MACF1: variants seen among roughly 807,000 people sequenced by gnomAD.
MACF1 encodes microtubule-actin cross-linking factor 1.
In MACF1, 193 loss-of-function variants were observed where a neutral mutation model predicts 854.8. The ratio of observed to expected loss-of-function variants is 0.23; its 90% CI spans 0.20 to 0.25. MACF1 has a LOEUF of 0.25. Among genes scored for constraint, MACF1 ranks in the 10% least tolerant of loss-of-function variants. The pLI, the probability that MACF1 is intolerant of heterozygous loss-of-function variation, is 1.00. For missense variants in MACF1, 7,722 were observed against 8,929.1 expected, an observed-to-expected ratio of 0.86 and a Z score of 5.45; for synonymous variants, 3,185 against 3,226.7, an observed-to-expected ratio of 0.99 and a Z score of 0.44.
rs781727219 is a variant in MACF1, at chr1:39,336,520, C to G, written c.9932C>G (p.Ser3311Cys). The G allele has an allele frequency of 1.9e-6, 3 of 1,614,064 alleles. No homozygotes were observed. The highest frequency in any genetic ancestry group is 2.2e-5 in the South Asian group (2 of 91,090). ...EEKTVSLTVCSAVKTEKTPQE... is the reference protein window; with the variant it reads ...EEKTVSLTVCCAVKTEKTPQE... ...AAGACAGTGTCCCTAACAGTATGCT[C>G]TGCAGTGAAGACAGAGAAGACACCA... Residue 3311 changes from serine to cysteine, a missense_variant, in exon 37 of 101, where the codon TCT (serine) becomes TGT (cysteine). Around this residue, in one of 15 missense-constraint regions of MACF1, gnomAD observed 854 missense variants for 852.6 expected, o/e 1.00. Coordinates refer to ENST00000564288, the MANE Select transcript of MACF1 (RefSeq NM_001394062.1).
intron 35 of MACF1, among the ~76,000 whole-genome samples, chr1:39,325,780 G>A (rs1646599042): frequency 6.6e-6 from 1 of 152,196 alleles, no homozygotes; most frequent in Non-Finnish European, 1.5e-5. Context: ...GAGAATTAGT[G>A]CCCAGTGGTC....
intron 2 of MACF1, among the ~76,000 whole-genome samples, chr1:39,187,911 T>TCTCTCCG: frequency 8.2e-6 from 1 of 122,240 alleles, no homozygotes; most frequent in Non-Finnish European, 1.8e-5. Context: ...TCCTCTCTCC[T>TCTCTCCG]TCCTTCCTTC....
chr1:39,220,825 G>T (rs1557525789), intron 1 of MACF1, among the ~76,000 whole-genome samples: 1 of 152,122 alleles, frequency 6.6e-6, no homozygotes, highest in South Asian at 2.1e-4. Flanking sequence ...TGACTTGAAA[G>T]AGCTCAATTC....
intron 87 of MACF1, among the ~76,000 whole-genome samples, chr1:39,453,115 C>A (rs1028442327): frequency 6.6e-6 from 1 of 152,128 alleles, no homozygotes; most frequent in Admixed American, 6.5e-5. Context: ...CACCTGCATA[C>A]GCCTTTGTTT....
rs558123015 is a variant in MACF1 at position 39,337,865 on chromosome 1, G to A, written c.10215+534G>A. ...GCTCACTGCAAGCTCTGCCTCCCGG[G>A]TTTCCGCCATTCTCCTGCCTCAGCC... On this transcript the variant is annotated intron_variant, in intron 38 of 100. Transcript: ENST00000564288. Among the ~76,000 whole-genome samples, 149 of 151,916 alleles carry A rather than the reference G, an allele frequency of 9.8e-4. 1 individual carries two copies. Among genetic ancestry groups the A allele is most frequent in the African/African-American group, 3.4e-3 (142 of 41,422 alleles).
intron 6 of MACF1, among the ~76,000 whole-genome samples, chr1:39,266,594 C>CTTTTT (rs11406070): frequency 0.021 from 1,193 of 58,130 alleles, 80 homozygotes; most frequent in Non-Finnish European, 0.026. Context: ...TGGTCTTTTC[C>CTTTTT]TTTTTTTTTT....
At chr1:39,342,634 G>C (rs574563585) in intron 40 of MACF1, among the ~76,000 whole-genome samples, 1 of 148,372 alleles carries the variant, frequency 6.7e-6, no homozygotes, top group Admixed American at 6.9e-5. Context: ...TTCTCCTGCC[G>C]CAGCCTCCCA....
chr1:39,430,123 C>A (rs1557650466), intron 65 of MACF1, 55 bp downstream of exon 65: 1 of 1,562,922 alleles, frequency 6.4e-7, no homozygotes, highest in African/African-American at 1.4e-5. Flanking sequence ...TGTCAGAATC[C>A]TTAAGTTTTA....
intron 2 of MACF1, among the ~76,000 whole-genome samples, chr1:39,143,948 T>G (rs1317708464): frequency 4.0e-5 from 6 of 151,200 alleles, no homozygotes; most frequent in Admixed American, 1.3e-4. Context: ...CCACCATGCC[T>G]AGCTAATTTT....
chr1:39,393,190 A>ATATATATATATATAT (rs1427429683), intron 58 of MACF1, among the ~76,000 whole-genome samples: 45 of 86,588 alleles, frequency 5.2e-4, no homozygotes, highest in African/African-American at 2.7e-3. Flanking sequence ...GTAAAAAAAA[A>ATATATATATATATAT]AAAAAAATAT....
At chr1:39,117,089 T>C (rs1642567076) in intron 2 of MACF1, among the ~76,000 whole-genome samples, 1 of 152,188 alleles carries the variant, frequency 6.6e-6, no homozygotes, top group Admixed American at 6.5e-5. Context: ...GATAGATTTG[T>C]TCTCATGACT....
At chr1:39,206,854 ACT>A (rs770951255) in intron 1 of MACF1, 53 of 152,216 alleles carry the variant, frequency 3.5e-4, no homozygotes, top group South Asian at 1.0e-3. Context: ...TAATATGTAC[ACT>A]CTAATTACCT....
chr1:39,102,040 G>T (rs1242173908), intron 2 of MACF1, among the ~76,000 whole-genome samples: 2 of 151,650 alleles, frequency 1.3e-5, no homozygotes, highest in Non-Finnish European at 2.9e-5. Flanking sequence ...GCCGGGCGAG[G>T]TGGCGGGCGC....
At position 39,285,773 on chromosome 1, in the gene MACF1, A is replaced by T; in HGVS notation, c.1508+15A>T. 6.2e-7 allele frequency: 1 copy of T among 1,612,290 alleles called. No homozygotes were observed. Among genetic ancestry groups the T allele is most frequent in the Non-Finnish European group, 8.5e-7 (1 of 1,178,824 alleles). ...CTGGCTTTTAGGTGAGGAACAAGGG[A>T]CTCAAATGGAGGGCTTGCTTGCTTA... is the stretch of plus-strand genomic sequence containing the variant. On this transcript the variant is annotated intron_variant, in intron 14 of 100. Coordinates refer to ENST00000564288, the MANE Select transcript of MACF1 (RefSeq NM_001394062.1).
intron 2 of MACF1, among the ~76,000 whole-genome samples, chr1:39,162,677 G>T (rs1276607015): frequency 6.6e-6 from 1 of 151,896 alleles, no homozygotes; most frequent in Non-Finnish European, 1.5e-5. Flanking sequence ...ACTTTCATAG[G>T]CTTCAGTTTT....
At chr1:39,466,613 T>C (rs1644673577) in intron 95 of MACF1, among the ~76,000 whole-genome samples, 1 of 152,220 alleles carries the variant, frequency 6.6e-6, no homozygotes, top group Non-Finnish European at 1.5e-5. Context: ...CCAAGAGCAC[T>C]GCTCTTGGGT....
In MACF1 at chr1:39,462,091, C is replaced by T. The variant is rs1234489649; in HGVS notation, c.21678+54C>T. 2.3e-5 allele frequency: 37 copies of T among 1,577,496 alleles called. No individual in the cohort carries two copies. In the Middle Eastern group the frequency reaches 8.4e-4, roughly 36 times the overall value. On this transcript the variant is annotated intron_variant, in intron 93 of 100. Coordinates refer to ENST00000564288, the MANE Select transcript of MACF1 (RefSeq NM_001394062.1). ...ACTTCTGGCTGTAGGTTTGTAATAT[C>T]CTGAATTTGGTTGGGTTCAGTGATC...
chr1:39,313,461 C>G (rs780882226), intron 26 of MACF1, among the ~76,000 whole-genome samples: 1 of 152,238 alleles, frequency 6.6e-6, no homozygotes, highest in East Asian at 1.9e-4. Context: ...TTCTGTCGTT[C>G]CTTCTACATA....
At chr1:39,310,760 A>G in intron 25 of MACF1, 71 bp from the exon 26 acceptor site, 2 of 1,411,364 alleles carry the variant, frequency 1.4e-6, no homozygotes, top group Non-Finnish European at 1.9e-6. Context: ...CCTTGCTTTC[A>G]TTAGTAGGAT....
Sources: gnomAD v4.1 joint callset for allele counts (sites outside exome capture counted in the v4.1 genomes callset) on GRCh38, gnomAD v4.1.1 for gene constraint, gnomAD v4.1.1 regional missense constraint, MANE v1.5 for transcripts, NCBI Gene and HGNC (gene_info 2026-07-23, HGNC 2026-07-21) for gene names.